The following DGCR2 variants were observed in gnomAD, a reference collection of about 807,000 sequenced individuals.
The protein encoded by DGCR2 is DiGeorge syndrome critical region gene 2.
Under a neutral mutation model 51.6 loss-of-function variants are expected in DGCR2, and 24 were observed. The observed-to-expected ratio is 0.47, with a 90% confidence interval of 0.34 to 0.65. The LOEUF (loss-of-function observed/expected upper bound fraction) is 0.65, where lower values mean the gene tolerates loss of function less well. Ranked by LOEUF, DGCR2 falls within the 30% of genes least tolerant of loss-of-function variation. DGCR2 has a pLI of 0.01. For synonymous variants in DGCR2, 340 were observed against 315.4 expected (o/e 1.08, Z -0.82); for missense variants, 765 against 772.1 (o/e 0.99, Z 0.11).
rs2082391761 is a variant in DGCR2 at position 19,038,218 on chromosome 22, T to G, written c.*647A>C. 1 of 152,868 alleles carries G rather than the reference T, an allele frequency of 6.5e-6. No homozygotes were observed. The allele number at this position is 152,868 out of a possible 1,614,324, so 9.5% of individuals were successfully genotyped here. ...GAAAGACACAGTGAAGAGCTCAACCTCCTTCCAAGCTCTCCTTCTCAGGGC... is the reference window on the plus strand; with the variant it reads ...GAAAGACACAGTGAAGAGCTCAACCGCCTTCCAAGCTCTCCTTCTCAGGGC... On this transcript the variant is annotated 3_prime_UTR_variant, in exon 10 of 10. Transcript: ENST00000263196.
chr22:19,059,482 CT>C (rs2082637310), intron 5 of DGCR2, among the ~76,000 whole-genome samples: 1 of 152,092 alleles, frequency 6.6e-6, no homozygotes, highest in Non-Finnish European at 1.5e-5. Context: ...ACATCCCGCT[CT>C]TCCTGAAGGA....
chr22:19,110,004 G>A (rs575102628), intron 1 of DGCR2, among the ~76,000 whole-genome samples: 1 of 152,342 alleles, frequency 6.6e-6, no homozygotes, highest in East Asian at 1.9e-4. Flanking sequence ...AACAGAGTGG[G>A]TCCAAACTTT....
At chr22:19,050,555 T>C (rs922886962) in intron 6 of DGCR2, among the ~76,000 whole-genome samples, 7 of 152,250 alleles carry the variant, frequency 4.6e-5, no homozygotes, top group African/African-American at 1.4e-4. Flanking sequence ...ATCGTGATTA[T>C]AAATTATAGC....
chr22:19,053,256 G>A (rs960289744), intron 6 of DGCR2, among the ~76,000 whole-genome samples: 1 of 152,148 alleles, frequency 6.6e-6, no homozygotes, highest in African/African-American at 2.4e-5. Flanking sequence ...CCTGCTTAAG[G>A]CTCAGATACA....
intron 2 of DGCR2, among the ~76,000 whole-genome samples, chr22:19,074,369 G>A (rs576873736): frequency 4.1e-4 from 62 of 150,058 alleles, no homozygotes; most frequent in African/African-American, 1.4e-3. Flanking sequence ...GCAGTGAGCC[G>A]AGATCGCGCC....
At chr22:19,095,444 G>T (rs1416276581) in intron 1 of DGCR2, among the ~76,000 whole-genome samples, 1 of 152,104 alleles carries the variant, frequency 6.6e-6, no homozygotes, top group East Asian at 1.9e-4. Flanking sequence ...GGCAAATCAT[G>T]AAGTCAGGAG....
intron 1 of DGCR2, among the ~76,000 whole-genome samples, chr22:19,090,518 T>C (rs2083066745): frequency 6.6e-6 from 1 of 152,218 alleles, no homozygotes; most frequent in African/African-American, 2.4e-5. Context: ...TGATGTGACA[T>C]GTTAAAGTTC....
intron 6 of DGCR2, among the ~76,000 whole-genome samples, chr22:19,052,941 G>T (rs951029954): frequency 3.2e-4 from 48 of 152,304 alleles, no homozygotes; most frequent in African/African-American, 1.1e-3. Context: ...GACCACATAT[G>T]ACCAAAGGCC....
chr22:19,066,890 G>A (rs2082755986), intron 3 of DGCR2, among the ~76,000 whole-genome samples: 1 of 152,216 alleles, frequency 6.6e-6, no homozygotes, highest in Non-Finnish European at 1.5e-5. Context: ...ACTGTGAACT[G>A]CCCCTTCCCT....
chr22:19,091,039 A>T (rs992702233), intron 1 of DGCR2, among the ~76,000 whole-genome samples: 4 of 151,340 alleles, frequency 2.6e-5, no homozygotes, highest in South Asian at 2.1e-4. Context: ...AAGATATACC[A>T]TGTTAACACT....
chr22:19,068,380 C>CA (rs138453013), intron 2 of DGCR2, among the ~76,000 whole-genome samples, 155 bp from the exon 3 acceptor site: 1,617 of 152,368 alleles, frequency 0.011, 41 homozygotes, highest in African/African-American at 0.037. Flanking sequence ...CCCTATGAAA[C>CA]ACTGCCGCTC....
intron 1 of DGCR2, among the ~76,000 whole-genome samples, chr22:19,112,545 G>T (rs934752612): frequency 7.0e-6 from 1 of 142,966 alleles, no homozygotes; most frequent in Non-Finnish European, 1.5e-5. Flanking sequence ...GGGCTCAAAC[G>T]ATCCTCCCAC....
chr22:19,078,026 GC>G (rs1317618959), intron 2 of DGCR2, among the ~76,000 whole-genome samples: 5 of 152,122 alleles, frequency 3.3e-5, no homozygotes, highest in Admixed American at 6.5e-5. Flanking sequence ...ACAAGGTTTT[GC>G]CATGTTGGCC....
chr22:19,090,328 C>T (rs140146511), intron 1 of DGCR2, among the ~76,000 whole-genome samples: 85 of 152,254 alleles, frequency 5.6e-4, no homozygotes, highest in Admixed American at 1.9e-3. Context: ...ATCCAGGTAG[C>T]TCAATGAACC....
In DGCR2 at chr22:19,057,804, G is replaced by A. The variant is rs991470139; in HGVS notation, c.626-642C>T. Among the ~76,000 whole-genome samples the A allele has an allele frequency of 9.2e-5, 14 of 152,092 alleles. No homozygotes were observed. Among genetic ancestry groups the A allele is most frequent in the African/African-American group, 2.4e-4 (10 of 41,418 alleles). On this transcript the variant is annotated intron_variant, in intron 5 of 9. Transcript: ENST00000263196. The surrounding 1 kb of genome is among the most constrained non-coding windows in gnomAD (Gnocchi z 5.1). ...CAGTCAGAAACCGTGTACCCCTGCC[G>A]CAGAGAGCGTGAGGGTTGGGGACTG...
At chr22:19,120,287 G>A (rs777612062) in intron 1 of DGCR2, among the ~76,000 whole-genome samples, 1 of 152,088 alleles carries the variant, frequency 6.6e-6, no homozygotes, top group Non-Finnish European at 1.5e-5. Flanking sequence ...GCCCTACTCC[G>A]ACCTCAGTGT....
At chr22:19,064,482 C>G (rs2082725334) in intron 4 of DGCR2, among the ~76,000 whole-genome samples, 1 of 152,210 alleles carries the variant, frequency 6.6e-6, no homozygotes, top group Non-Finnish European at 1.5e-5. Context: ...CACTGCACAC[C>G]CCTTGCACAA....
intron 2 of DGCR2, among the ~76,000 whole-genome samples, chr22:19,087,951 T>C (rs1422408469): frequency 4.6e-5 from 7 of 152,124 alleles, no homozygotes; most frequent in African/African-American, 1.4e-4. Flanking sequence ...TCCCAAAGTG[T>C]TGGGTTACAG....
Position 19,122,201 on chromosome 22 carries a change from C to A in DGCR2, c.6G>T (p.Val2=). Residue 2 remains valine, a synonymous_variant, in exon 1 of 10, where the codon GTG becomes GTT. Coordinates refer to ENST00000263196, the MANE Select transcript of DGCR2 (RefSeq NM_005137.3). ...GGAAGGCGCCGCTGTCTGCCTTGGG[C>A]ACCATTTATCCTCCGTTCATCGTCC... M[V]PKADSGAFLL... 6.6e-7 allele frequency: 1 copy of A among 1,507,288 alleles called. No homozygotes were observed. The highest frequency in any genetic ancestry group is 8.9e-7 in the Non-Finnish European group (1 of 1,126,878). 93.4% of individuals were successfully genotyped at this position (1,507,288 alleles called of 1,614,324 possible). A position where few individuals can be genotyped will look rare whatever the true frequency, so the allele number is the denominator to read the frequency against.
Sources: allele counts gnomAD v4.1 joint callset (sites outside exome capture counted in the v4.1 genomes callset), GRCh38; gene constraint gnomAD v4.1.1; non-coding constraint Gnocchi (gnomAD v3.1); transcripts MANE v1.5; gene names NCBI Gene and HGNC (gene_info 2026-07-23, HGNC 2026-07-21).